HAS2: variants seen among roughly 807,000 people sequenced by gnomAD.
HAS2 encodes the protein hyaluronan synthase 2.
HAS2 carries 16 observed loss-of-function variants against 51.6 expected under a neutral mutation model. The observed-to-expected ratio is 0.31, with a 90% CI of 0.21 to 0.47. The LOEUF (loss-of-function observed/expected upper bound fraction) is 0.47, where lower values mean the gene tolerates loss of function less well. Among genes scored for constraint, HAS2 ranks in the 20% least tolerant of loss-of-function variants. The pLI, the probability that HAS2 is intolerant of heterozygous loss-of-function variation, is 1.00. For missense variants in HAS2, 361 were observed against 662.6 expected (o/e 0.54, Z 5.00); for synonymous variants, 228 against 235.5 (o/e 0.97, Z 0.29).
Position 121,613,748 on chromosome 8 carries a change from G to C in HAS2, c.*361C>G. ...AACAGTCCATAAGTTAGGTTGTATA[G>C]GTTGAAAGAACTTTTCCTTGAGTTT... On this transcript the variant is annotated 3_prime_UTR_variant, in exon 4 of 4. Transcript: ENST00000303924. 1 of 257,500 alleles carries C rather than the reference G, an allele frequency of 3.9e-6. No individual in the cohort carries two copies. Among genetic ancestry groups the C allele is most frequent in the Non-Finnish European group, 7.6e-6 (1 of 131,148 alleles). The allele number at this position is 257,500 out of a possible 1,614,324, so 16.0% of individuals were successfully genotyped here.
chr8:121,622,787 A>C (rs1003888530), intron 2 of HAS2, among the ~76,000 whole-genome samples: 1 of 152,100 alleles, frequency 6.6e-6, no homozygotes, highest in Non-Finnish European at 1.5e-5. Flanking sequence ...TTTATTTTTT[A>C]ATCTTGATTT....
At position 121,612,620 on chromosome 8, in the gene HAS2, A is replaced by G. The variant is rs1212499481; in HGVS notation, c.*1489T>C. On this transcript the variant is annotated 3_prime_UTR_variant, in exon 4 of 4. Transcript: ENST00000303924. The stretch of plus-strand genomic sequence containing the variant: ...CAAGGCAAGGTCAATCGTGTAAAAA[A>G]TAAAACTGGATAATGGAGGCCTTGC... 1.3e-5 allele frequency: 2 copies of G among 152,228 alleles called. No individual in the cohort carries two copies. Among genetic ancestry groups the G allele is most frequent in the Non-Finnish European group, 2.9e-5 (2 of 68,034 alleles). The allele number at this position is 152,228 out of a possible 1,614,324, so 9.4% of individuals were successfully genotyped here.
intron 1 of HAS2, among the ~76,000 whole-genome samples, chr8:121,630,300 A>T (rs1812913141): frequency 6.6e-6 from 1 of 152,212 alleles, no homozygotes; most frequent in South Asian, 2.1e-4. Flanking sequence ...GACCTGAAAC[A>T]CGTTTCCACT....
At chr8:121,624,186 G>A (rs7012100) in intron 2 of HAS2, among the ~76,000 whole-genome samples, 4,208 of 152,238 alleles carry the variant, frequency 0.028, 225 homozygotes, top group African/African-American at 0.097. Context: ...TCCATGAGGT[G>A]TATCACAGTC....
chr8:121,640,692 T>A (rs953897796), intron 1 of HAS2, among the ~76,000 whole-genome samples, 161 bp downstream of exon 1: 1 of 152,160 alleles, frequency 6.6e-6, no homozygotes, highest in Non-Finnish European at 1.5e-5. Context: ...GACAGTGACC[T>A]GAAATATTCC....
intron 1 of HAS2, among the ~76,000 whole-genome samples, chr8:121,631,562 G>C (rs542974150): frequency 6.6e-6 from 1 of 152,360 alleles, no homozygotes; most frequent in South Asian, 2.1e-4. Flanking sequence ...GGACACCATA[G>C]CGTGTAATGC....
intron 2 of HAS2, among the ~76,000 whole-genome samples, chr8:121,620,388 T>A (rs1321111132): frequency 6.6e-6 from 1 of 152,214 alleles, no homozygotes. Flanking sequence ...AGCCCTGGAT[T>A]ACAATCTGTG....
intron 2 of HAS2, among the ~76,000 whole-genome samples, chr8:121,620,237 T>A (rs1812755943): frequency 6.6e-6 from 1 of 152,242 alleles, no homozygotes; most frequent in Non-Finnish European, 1.5e-5. Context: ...TGTGTATTCA[T>A]GGACACAAGG....
In HAS2 at chr8:121,612,436, T is replaced by A. The variant is rs1166931422; in HGVS notation, c.*1673A>T. 2 of 152,128 alleles carry A rather than the reference T, an allele frequency of 1.3e-5. No homozygotes were observed. Among genetic ancestry groups the A allele is most frequent in the East Asian group, 3.9e-4 (2 of 5,188 alleles). The allele number at this position is 152,128 out of a possible 1,614,324, so 9.4% of individuals were successfully genotyped here. On this transcript the variant is annotated 3_prime_UTR_variant, in exon 4 of 4. Transcript: ENST00000303924. ...GCAGCTTTTTCTTAGGCAGGATAGA[T>A]GTAACATAGATGACTGCATAAAAAA...
intron 1 of HAS2, among the ~76,000 whole-genome samples, chr8:121,636,194 G>T (rs925429826): frequency 6.6e-6 from 1 of 152,164 alleles, no homozygotes; most frequent in African/African-American, 2.4e-5. Context: ...GCAACCACTA[G>T]GTTAAAGTAA....
At chr8:121,625,933 T>C (rs991146332) in intron 2 of HAS2, among the ~76,000 whole-genome samples, 9 of 152,146 alleles carry the variant, frequency 5.9e-5, no homozygotes, top group Admixed American at 5.2e-4. Context: ...ACTGGGTTTC[T>C]CTGTGACTAG....
chr8:121,629,462 G>T (rs776000239), intron 1 of HAS2, 122 bp from the exon 2 acceptor site: 4 of 777,576 alleles, frequency 5.1e-6, no homozygotes, highest in Non-Finnish European at 8.2e-6. Flanking sequence ...TCAATTTCTC[G>T]CCCAACTCAT....
chr8:121,614,407 G>T lies in HAS2; in HGVS notation c.1361C>A (p.Ala454Glu). Residue 454 changes from alanine to glutamate, a missense_variant, in exon 4 of 4, where the codon GCA (alanine) becomes GAA (glutamate). Physicochemically the swap from Ala to Glu is moderately radical, Grantham distance 107 (BLOSUM62 -1). This residue lies in a region of HAS2 where 106 missense variants were observed against 241.0 expected (regional missense o/e 0.44). Coordinates refer to ENST00000303924, the MANE Select transcript of HAS2 (RefSeq NM_005328.3). This position sits in a 1 kb window ranked among gnomAD's most constrained non-coding sequence, Gnocchi z 7.2. Reference protein sequence around the residue: ...MSSLLPAKMFAIATINKAGWG... With the variant: ...MSSLLPAKMFEIATINKAGWG... ...CCCAGCTTTGTTTATTGTTGCAATTGCAAACATCTTGGCGGGAAGTAAACT... is the reference window on the plus strand; with the variant it reads ...CCCAGCTTTGTTTATTGTTGCAATTTCAAACATCTTGGCGGGAAGTAAACT... 1 of 1,614,052 alleles carries T rather than the reference G, an allele frequency of 6.2e-7. No individual in the cohort carries two copies. The highest frequency in any genetic ancestry group is 8.5e-7 in the Non-Finnish European group (1 of 1,179,970).
At chr8:121,632,092 T>G (rs1399040762) in intron 1 of HAS2, among the ~76,000 whole-genome samples, 1 of 152,198 alleles carries the variant, frequency 6.6e-6, no homozygotes, top group Non-Finnish European at 1.5e-5. Flanking sequence ...TGGCTAGAAG[T>G]GAACCTTTAT....
intron 1 of HAS2, among the ~76,000 whole-genome samples, chr8:121,636,746 C>T (rs1290788631): frequency 2.0e-5 from 3 of 152,096 alleles, no homozygotes; most frequent in East Asian, 1.9e-4. Context: ...CCTACATTGG[C>T]TCCTGGGAAT....
chr8:121,633,722 G>A lies in HAS2; in HGVS notation c.1-4382C>T, dbSNP rs1049672053. On this transcript the variant is annotated intron_variant, in intron 1 of 3. Coordinates refer to ENST00000303924, the MANE Select transcript of HAS2 (RefSeq NM_005328.3). ...TGTGGAGCAGATATACAGCCTTGCC[G>A]TTGGCTCATATACCCCAGTGGGACT... Among the ~76,000 whole-genome samples the A allele has an allele frequency of 6.6e-5, 10 of 152,120 alleles. No individual in the cohort carries two copies. The East Asian group carries it at 9.6e-4, about 15-fold the overall frequency.
rs958048135 is a variant in HAS2, at chr8:121,629,008, G to A, written c.333C>T (p.Tyr111=). 10 of 1,613,930 alleles carry A rather than the reference G, an allele frequency of 6.2e-6. No homozygotes were observed. In the African/African-American group the frequency reaches 8.0e-5, roughly 13 times the overall value. Residue 111 remains tyrosine, a synonymous_variant, in exon 2 of 4, where the codon TAC becomes TAT. Transcript: ENST00000303924. ...TGACCATGACAACTTTAATCCCAGG[G>A]TAGGTTAGCCTTTTCACAGATTGCA... ...KCLQSVKRLT[Y]PGIKVVMVID...
intron 1 of HAS2, among the ~76,000 whole-genome samples, chr8:121,632,450 T>C (rs949073192): frequency 1.3e-5 from 2 of 152,144 alleles, no homozygotes; most frequent in African/African-American, 4.8e-5. Context: ...AAATCTACAC[T>C]CTCTAAATAT....
intron 2 of HAS2, among the ~76,000 whole-genome samples, chr8:121,621,226 T>C (rs984404586): frequency 3.3e-5 from 5 of 152,218 alleles, no homozygotes; most frequent in African/African-American, 9.6e-5. Flanking sequence ...TTTAATTTAG[T>C]AGATTTTGCA....
Sources: gnomAD v4.1 joint callset for allele counts (sites outside exome capture counted in the v4.1 genomes callset) on GRCh38, gnomAD v4.1.1 for gene constraint, gnomAD v4.1.1 regional missense constraint, Gnocchi (gnomAD v3.1) non-coding constraint, MANE v1.5 for transcripts, NCBI Gene and HGNC (gene_info 2026-07-23, HGNC 2026-07-21) for gene names.